The following FNIP1 variants were observed in gnomAD, a reference collection of about 807,000 sequenced individuals.
FNIP1 encodes the protein folliculin interacting protein 1.
In FNIP1, 40 loss-of-function variants were observed where a neutral mutation model predicts 124.5. The observed-to-expected ratio is 0.32, with a 90% CI of 0.25 to 0.42. The LOEUF (loss-of-function observed/expected upper bound fraction) is 0.42, where lower values mean the gene tolerates loss of function less well. Among genes scored for constraint, FNIP1 ranks in the 10% least tolerant of loss-of-function variants. The pLI is 1.00. For synonymous variants in FNIP1, 472 were observed against 470.6 expected, an observed-to-expected ratio of 1.00 and a Z score of -0.04; for missense variants, 1,176 against 1,403.7, an observed-to-expected ratio of 0.84 and a Z score of 2.59.
chr5:131,794,930 A>T (rs1036338459), intron 1 of FNIP1, among the ~76,000 whole-genome samples: 7 of 152,220 alleles, frequency 4.6e-5, no homozygotes, highest in Non-Finnish European at 1.0e-4. Context: ...CTAAAACTTC[A>T]TGGGGGTGGT....
chr5:131,752,096 T>A (rs1486703529), intron 1 of FNIP1, among the ~76,000 whole-genome samples: 2 of 152,144 alleles, frequency 1.3e-5, no homozygotes, highest in African/African-American at 2.4e-5. Flanking sequence ...CAGGCTGGAG[T>A]GCAGTGGCGC....
At chr5:131,791,031 A>G (rs1244035625) in intron 1 of FNIP1, among the ~76,000 whole-genome samples, 1 of 152,254 alleles carries the variant, frequency 6.6e-6, no homozygotes, top group African/African-American at 2.4e-5. Context: ...AGACAATTTG[A>G]CAGGAGTGGA....
chr5:131,709,229 C>T lies in FNIP1; in HGVS notation c.750G>A (p.Glu250=), dbSNP rs1409012427. 1.9e-6 allele frequency: 3 copies of T among 1,613,920 alleles called. No homozygotes were observed. The highest frequency in any genetic ancestry group is 1.1e-5 in the South Asian group (1 of 91,084). Residue 250 remains glutamate, a synonymous_variant, in exon 8 of 18, where the codon GAG becomes GAA. Coordinates refer to ENST00000510461, the MANE Select transcript of FNIP1 (RefSeq NM_133372.3). The part of the protein sequence containing the change: ...PMDMPGRELN[E]DRDSGIARSA... ...ACCGTGCTATGCCACTGTCTCTGTC[C>T]TCATTGAGCTCTCTTCCAGGCATGT...
At chr5:131,669,046 A>C (rs994526606) in intron 15 of FNIP1, among the ~76,000 whole-genome samples, 1 of 152,226 alleles carries the variant, frequency 6.6e-6, no homozygotes, top group Non-Finnish European at 1.5e-5. Flanking sequence ...AACCTTATAA[A>C]AACTAAAAGG....
chr5:131,744,013 G>A (rs913935993), intron 2 of FNIP1, among the ~76,000 whole-genome samples: 6 of 152,036 alleles, frequency 3.9e-5, no homozygotes, highest in East Asian at 1.9e-4. Flanking sequence ...ATGAAGCATC[G>A]TCCCAGAAAA....
At chr5:131,708,202 C>G (rs1769178665) in intron 8 of FNIP1, among the ~76,000 whole-genome samples, 1 of 152,182 alleles carries the variant, frequency 6.6e-6, no homozygotes, top group Admixed American at 6.5e-5. Flanking sequence ...AGAGTTCAGG[C>G]ACTTGAATTT....
intron 10 of FNIP1, among the ~76,000 whole-genome samples, chr5:131,699,396 T>G (rs988569969): frequency 1.7e-5 from 2 of 115,892 alleles, no homozygotes; most frequent in East Asian, 4.4e-4. Flanking sequence ...TGTTAACTCC[T>G]TTTTTTTTTT....
intron 2 of FNIP1, among the ~76,000 whole-genome samples, chr5:131,734,304 G>GT (rs1275570565): frequency 1.3e-5 from 2 of 152,060 alleles, no homozygotes; most frequent in East Asian, 1.9e-4. Flanking sequence ...TTTTTGAAGG[G>GT]TTTTTTGTGT....
intron 1 of FNIP1, among the ~76,000 whole-genome samples, chr5:131,788,155 G>C (rs1772278220): frequency 6.6e-6 from 1 of 152,168 alleles, no homozygotes; most frequent in African/African-American, 2.4e-5. Flanking sequence ...TAACAAATGA[G>C]CAAATATGGC....
At chr5:131,751,838 T>A (rs1165573267) in intron 1 of FNIP1, among the ~76,000 whole-genome samples, 2 of 152,184 alleles carry the variant, frequency 1.3e-5, no homozygotes, top group Non-Finnish European at 2.9e-5. Flanking sequence ...GTACGAGGTT[T>A]CTTTCTGGGG....
intron 11 of FNIP1, 120 bp from the exon 12 acceptor site, chr5:131,679,295 A>C (rs372315537): frequency 1.5e-5 from 10 of 652,446 alleles, no homozygotes; most frequent in African/African-American, 5.8e-5. Flanking sequence ...GCTTTTGAGG[A>C]AAGACAATGG....
At chr5:131,720,300 C>T (rs771885355) in intron 3 of FNIP1, among the ~76,000 whole-genome samples, 20 of 152,042 alleles carry the variant, frequency 1.3e-4, no homozygotes, top group East Asian at 1.9e-4. Context: ...TATCCACATG[C>T]GAAAGAATAA....
At chr5:131,722,459 C>T (rs2149544461) in intron 3 of FNIP1, among the ~76,000 whole-genome samples, 1 of 152,154 alleles carries the variant, frequency 6.6e-6, no homozygotes, top group South Asian at 2.1e-4. Context: ...TTCTAATAAC[C>T]ATAAAGTGAA....
At chr5:131,735,502 ATATG>A (rs1770263655) in intron 2 of FNIP1, among the ~76,000 whole-genome samples, 1 of 148,028 alleles carries the variant, frequency 6.8e-6, no homozygotes, top group Non-Finnish European at 1.5e-5. Flanking sequence ...TACGTATAAA[ATATG>A]TATATATACG....
At chr5:131,744,812 T>TAAAG in intron 1 of FNIP1, 122 bp from the exon 2 acceptor site, 15 of 602,166 alleles carry the variant, frequency 2.5e-5, no homozygotes, top group South Asian at 7.2e-5. Flanking sequence ...TTAAATAATA[T>TAAAG]ATATATCTTT....
intron 1 of FNIP1, among the ~76,000 whole-genome samples, chr5:131,787,814 A>G: frequency 6.6e-6 from 1 of 152,200 alleles, no homozygotes; most frequent in Non-Finnish European, 1.5e-5. Flanking sequence ...AAATCAATTT[A>G]GAAGAACAGT....
In FNIP1 at chr5:131,768,712, T is replaced by C. The variant is rs138124959; in HGVS notation, c.93-24022A>G. On this transcript the variant is annotated intron_variant, in intron 1 of 17. Transcript: ENST00000510461. ...TACTCGGGAGCCTGAGGCAGGAGAA[T>C]TGCTTGAACCCGGGAGGCTGAGGTT... Among the ~76,000 whole-genome samples, 568 of 152,176 alleles carry C rather than the reference T, an allele frequency of 3.7e-3. 4 individuals carry two copies. Among genetic ancestry groups the C allele is most frequent in the African/African-American group, 0.013 (536 of 41,516 alleles).
rs1769664781 is a variant in FNIP1, at chr5:131,721,603, C to T, written c.355-2186G>A. Among the ~76,000 whole-genome samples the T allele has an allele frequency of 2.6e-5, 4 of 152,218 alleles. No individual in the cohort carries two copies. The South Asian group carries it at 8.3e-4, about 32-fold the overall frequency. ...CACAAGGTCAGGAGTTCAAGACCAGCCTGGCCAACATGGTGAAACCCCATC... is the reference window on the plus strand; with the variant it reads ...CACAAGGTCAGGAGTTCAAGACCAGTCTGGCCAACATGGTGAAACCCCATC... On this transcript the variant is annotated intron_variant, in intron 3 of 17. Coordinates refer to ENST00000510461, the MANE Select transcript of FNIP1 (RefSeq NM_133372.3).
intron 3 of FNIP1, among the ~76,000 whole-genome samples, chr5:131,723,512 T>C (rs1769745670): frequency 1.3e-5 from 2 of 152,214 alleles, no homozygotes; most frequent in South Asian, 2.1e-4. Flanking sequence ...TGAATGTGAC[T>C]GGCAAGGTAT....
Sources: allele counts gnomAD v4.1 joint callset (sites outside exome capture counted in the v4.1 genomes callset), GRCh38; gene constraint gnomAD v4.1.1; transcripts MANE v1.5; gene names NCBI Gene and HGNC (gene_info 2026-07-23, HGNC 2026-07-21).